The following PPP1R16B variants were observed in gnomAD, a reference collection of about 807,000 sequenced individuals.
PPP1R16B encodes protein phosphatase 1 regulatory inhibitor subunit 16B.
PPP1R16B carries 14 observed loss-of-function variants against 61.7 expected under a neutral mutation model. The observed-to-expected ratio is 0.23, with a 90% CI of 0.15 to 0.35. PPP1R16B has a LOEUF of 0.35. Among genes scored for constraint, PPP1R16B ranks in the 10% least tolerant of loss-of-function variants. The pLI, the probability that PPP1R16B is intolerant of heterozygous loss-of-function variation, is 1.00. For missense variants in PPP1R16B, 547 were observed against 752.5 expected (o/e 0.73, Z 3.19); for synonymous variants, 266 against 305.3 (o/e 0.87, Z 1.34).
chr20:38,884,240 G>A (rs150004604), intron 2 of PPP1R16B, among the ~76,000 whole-genome samples: 1,530 of 152,318 alleles, frequency 0.01, 16 homozygotes, highest in Non-Finnish European at 0.017. Flanking sequence ...TGCACACTGC[G>A]TAATTCCAGG....
chr20:38,905,216 T>C (rs2085430259), intron 6 of PPP1R16B, among the ~76,000 whole-genome samples: 1 of 152,212 alleles, frequency 6.6e-6, no homozygotes, highest in Non-Finnish European at 1.5e-5. Flanking sequence ...ACTGGGTGGC[T>C]CTGGCTTGGT....
chr20:38,822,694 T>C (rs2084780774), intron 1 of PPP1R16B, among the ~76,000 whole-genome samples: 1 of 152,172 alleles, frequency 6.6e-6, no homozygotes, highest in African/African-American at 2.4e-5. Context: ...AATATTTGTT[T>C]ATTGGCTAAA....
At chr20:38,889,466 A>T in intron 2 of PPP1R16B, 129 bp from the exon 3 acceptor site, 1 of 776,174 alleles carries the variant, frequency 1.3e-6, no homozygotes, top group Non-Finnish European at 2.2e-6. Context: ...CAGTTGTCTC[A>T]TCTGTAAAAT....
rs145536224 is a variant in PPP1R16B at position 38,921,509 on chromosome 20, C to T, written c.*2843C>T. On this transcript the variant is annotated 3_prime_UTR_variant, in exon 11 of 11. Transcript: ENST00000299824. ...CTTCGTCCAGCGACCCTTTGCTTTT[C>T]GGCTCCTAGAATCCTTAGAGTCTGA... The T allele has an allele frequency of 6.6e-6, 1 of 152,326 alleles. No individual in the cohort carries two copies. Among genetic ancestry groups the T allele is most frequent in the African/African-American group, 2.4e-5 (1 of 41,564 alleles). 9.4% of individuals were successfully genotyped at this position (152,326 alleles called of 1,614,324 possible).
At chr20:38,879,712 C>T (rs1484364269) in intron 2 of PPP1R16B, among the ~76,000 whole-genome samples, 2 of 152,188 alleles carry the variant, frequency 1.3e-5, no homozygotes, top group Non-Finnish European at 2.9e-5. Flanking sequence ...CACCCAATGC[C>T]AGATGTAAGT....
intron 2 of PPP1R16B, among the ~76,000 whole-genome samples, chr20:38,854,929 C>T (rs1177958918): frequency 2.0e-5 from 3 of 152,162 alleles, no homozygotes; most frequent in Non-Finnish European, 2.9e-5. Context: ...TACTCAATGG[C>T]GGCCTTCTAT....
At chr20:38,855,943 T>TAGAGAGAGAGAGAGAG (rs1293814608) in intron 2 of PPP1R16B, among the ~76,000 whole-genome samples, 1 of 15,056 alleles carries the variant, frequency 6.6e-5, no homozygotes, top group Non-Finnish European at 9.9e-5. Context: ...TATATATATA[T>TAGAGAGAGAGAGAGAG]AGAGAGAGAG....
chr20:38,889,531 G>T (rs1349440236), intron 2 of PPP1R16B, 64 bp from the exon 3 acceptor site: 20 of 1,415,286 alleles, frequency 1.4e-5, no homozygotes, highest in Non-Finnish European at 1.9e-5. Context: ...TCTTACCCGG[G>T]CCCCTGCATG....
chr20:38,834,776 AC>A (rs1462489595), intron 1 of PPP1R16B, among the ~76,000 whole-genome samples: 2 of 152,110 alleles, frequency 1.3e-5, no homozygotes, highest in Admixed American at 1.3e-4. Flanking sequence ...ATATATTATA[AC>A]AATATAATAA....
rs1568675498 is a variant in PPP1R16B at position 38,888,924 on chromosome 20, CACA to C, written c.251-670_251-668del. Among the ~76,000 whole-genome samples, 58 of 149,550 alleles carry C rather than the reference CACA, an allele frequency of 3.9e-4. 1 individual carries two copies. Among genetic ancestry groups the C allele is most frequent in the South Asian group, 2.5e-3 (12 of 4,748 alleles). Reference sequence around the variant, plus strand: ...ACACACACACACACACACACACACACACACCCCTAGACAAAATTCTAGGGATTG... The same window carrying C: ...ACACACACACACACACACACACACACCCCCTAGACAAAATTCTAGGGATTG... On this transcript the variant is annotated intron_variant, in intron 2 of 10. Coordinates refer to ENST00000299824, the MANE Select transcript of PPP1R16B (RefSeq NM_015568.4).
At position 38,806,586 on chromosome 20, in the gene PPP1R16B, C is replaced by G. The variant is rs1467198221; in HGVS notation, c.-102+794C>G. On this transcript the variant is annotated intron_variant, in intron 1 of 10. Coordinates refer to ENST00000299824, the MANE Select transcript of PPP1R16B (RefSeq NM_015568.4). The surrounding 1 kb of genome is among the most constrained non-coding windows in gnomAD (Gnocchi z 4.5). ...CGTGCAGCCGCCCCTGAGAGGTCGC[C>G]CAGAGGGGTCTCCCCAAGGTCACCC... 1.3e-5 allele frequency among the ~76,000 whole-genome samples: 2 copies of G among 152,150 alleles called. No individual in the cohort carries two copies. The highest frequency in any genetic ancestry group is 4.8e-5 in the African/African-American group (2 of 41,448).
intron 2 of PPP1R16B, among the ~76,000 whole-genome samples, chr20:38,868,703 C>T (rs535176204): frequency 6.6e-5 from 10 of 152,276 alleles, no homozygotes; most frequent in African/African-American, 1.2e-4. Flanking sequence ...GACATTGATA[C>T]GGTTCACCAA....
intron 5 of PPP1R16B, 102 bp downstream of exon 5, chr20:38,900,786 C>A: frequency 2.4e-6 from 2 of 829,410 alleles, no homozygotes; most frequent in African/African-American, 1.8e-5. Context: ...ATCGGCCTGC[C>A]TCGTGCGCTG....
chr20:38,871,523 G>A (rs1601277655), intron 2 of PPP1R16B, among the ~76,000 whole-genome samples: 1 of 146,610 alleles, frequency 6.8e-6, no homozygotes, highest in South Asian at 2.3e-4. Context: ...AGAGAAGGGG[G>A]ATGAAAGGGA....
intron 4 of PPP1R16B, among the ~76,000 whole-genome samples, chr20:38,898,088 A>G (rs192394411): frequency 6.6e-6 from 1 of 152,084 alleles, no homozygotes; most frequent in Non-Finnish European, 1.5e-5. Context: ...GTTTTGTTCT[A>G]TGTTTTCTCC....
chr20:38,808,595 G>A (rs992063862), intron 1 of PPP1R16B, among the ~76,000 whole-genome samples: 3 of 134,400 alleles, frequency 2.2e-5, no homozygotes, highest in Admixed American at 1.5e-4. Context: ...TTTTAATTAG[G>A]GATCTATACC....
In PPP1R16B at chr20:38,919,576, T is replaced by G. The variant is rs891782662; in HGVS notation, c.*910T>G. On this transcript the variant is annotated 3_prime_UTR_variant, in exon 11 of 11. Transcript: ENST00000299824. Reference sequence around the variant, plus strand: ...CCTAGAGGGAGGGAGGTAACTGAATTCACTTCTTTTTGTGGATCGTATCAA... The same window carrying G: ...CCTAGAGGGAGGGAGGTAACTGAATGCACTTCTTTTTGTGGATCGTATCAA... 6.6e-6 allele frequency: 1 copy of G among 152,176 alleles called. No individual in the cohort carries two copies. The highest frequency in any genetic ancestry group is 1.5e-5 in the Non-Finnish European group (1 of 68,032). The allele number at this position is 152,176 out of a possible 1,614,324, so 9.4% of individuals were successfully genotyped here. A position where few individuals can be genotyped will look rare whatever the true frequency, so the allele number is the denominator to read the frequency against.
intron 1 of PPP1R16B, among the ~76,000 whole-genome samples, chr20:38,825,933 C>T (rs2084802884): frequency 6.6e-6 from 1 of 152,236 alleles, no homozygotes; most frequent in African/African-American, 2.4e-5. Flanking sequence ...CACACGTTCT[C>T]CCTGTTATCA....
At chr20:38,868,580 A>G (rs2085105506) in intron 2 of PPP1R16B, among the ~76,000 whole-genome samples, 1 of 152,090 alleles carries the variant, frequency 6.6e-6, no homozygotes, top group South Asian at 2.1e-4. Flanking sequence ...ACGGGGTTTC[A>G]CTATGTTGGT....
Sources: gnomAD v4.1 joint callset for allele counts (sites outside exome capture counted in the v4.1 genomes callset) on GRCh38, gnomAD v4.1.1 for gene constraint, Gnocchi (gnomAD v3.1) non-coding constraint, MANE v1.5 for transcripts, NCBI Gene and HGNC (gene_info 2026-07-23, HGNC 2026-07-21) for gene names.